Variants in BAIAP2L1 observed in about 807,000 individuals in gnomAD.
The protein encoded by BAIAP2L1 is BAR/IMD domain containing adaptor protein 2 like 1.
BAIAP2L1 carries 35 observed loss-of-function variants against 66.3 expected under a neutral mutation model. The observed-to-expected ratio is 0.53, with a 90% confidence interval of 0.40 to 0.70. The LOEUF (loss-of-function observed/expected upper bound fraction) is 0.70, where lower values mean the gene tolerates loss of function less well. Ranked by LOEUF, BAIAP2L1 falls within the 30% of genes least tolerant of loss-of-function variation. The pLI, the probability that BAIAP2L1 is intolerant of heterozygous loss-of-function variation, is 0.00. For synonymous variants in BAIAP2L1, 269 were observed against 248.7 expected (o/e 1.08, Z -0.77); for missense variants, 622 against 656.9 (o/e 0.95, Z 0.58).
At chr7:98,295,324 C>T (rs1800146822) in intron 12 of BAIAP2L1, among the ~76,000 whole-genome samples, 1 of 152,138 alleles carries the variant, frequency 6.6e-6, no homozygotes, top group Admixed American at 6.5e-5. Context: ...GGCAGGGCAT[C>T]TGGGGCCAAT....
chr7:98,296,547 C>T (rs1800199489), intron 12 of BAIAP2L1, among the ~76,000 whole-genome samples: 1 of 152,184 alleles, frequency 6.6e-6, no homozygotes, highest in Non-Finnish European at 1.5e-5. Context: ...ATCGCTTGAA[C>T]AGGGAGGCAG....
In BAIAP2L1 at chr7:98,325,509, C is replaced by T. The variant is rs531339445; in HGVS notation, c.215-5211G>A. On this transcript the variant is annotated intron_variant, in intron 3 of 13. Transcript: ENST00000005260. ...CCTGGCCAACATGGGAAAACTCCAT[C>T]TCTACTAAAAATACAAAAATTAGCC... Among the ~76,000 whole-genome samples, 5 of 152,132 alleles carry T rather than the reference C, an allele frequency of 3.3e-5. No individual in the cohort carries two copies. In the East Asian group the frequency reaches 9.7e-4, roughly 29 times the overall value.
intron 1 of BAIAP2L1, among the ~76,000 whole-genome samples, chr7:98,395,673 G>A (rs1401324876): frequency 8.5e-5 from 13 of 152,166 alleles, no homozygotes; most frequent in African/African-American, 3.1e-4. Flanking sequence ...ATATTTGCAT[G>A]TGTCAGCAGA....
intron 1 of BAIAP2L1, among the ~76,000 whole-genome samples, chr7:98,372,275 G>A (rs766752542): frequency 2.1e-4 from 32 of 151,968 alleles, no homozygotes; most frequent in Non-Finnish European, 4.0e-4. Flanking sequence ...GCATGGGGAC[G>A]GGCGCCTGTA....
intron 1 of BAIAP2L1, among the ~76,000 whole-genome samples, chr7:98,390,374 G>A (rs898870184): frequency 1.3e-5 from 2 of 151,952 alleles, no homozygotes; most frequent in Non-Finnish European, 2.9e-5. Flanking sequence ...CCATTAAAAC[G>A]GAATATATAT....
chr7:98,389,727 C>T (rs1802981805), intron 1 of BAIAP2L1, among the ~76,000 whole-genome samples: 4 of 152,080 alleles, frequency 2.6e-5, no homozygotes, highest in African/African-American at 7.2e-5. Flanking sequence ...TACAGCCATG[C>T]TTTTAACTGC....
chr7:98,362,454 C>A (rs1802293534), intron 1 of BAIAP2L1, 22 bp from the exon 2 acceptor site: 2 of 1,584,058 alleles, frequency 1.3e-6, no homozygotes, highest in Admixed American at 1.9e-5. Context: ...ACAAAACACA[C>A]AAATTAATAA....
intron 1 of BAIAP2L1, among the ~76,000 whole-genome samples, chr7:98,387,105 C>A (rs6465682): frequency 0.39 from 58,523 of 151,938 alleles, 12,624 homozygotes; most frequent in Middle Eastern, 0.55. Flanking sequence ...GAGACAAAAC[C>A]AAGTCCAAAT....
intron 1 of BAIAP2L1, among the ~76,000 whole-genome samples, chr7:98,383,309 A>C (rs1320022411): frequency 6.8e-6 from 1 of 146,072 alleles, no homozygotes; most frequent in East Asian, 2.0e-4. Context: ...TTCAGACAGA[A>C]TTTCCTTCTT....
At chr7:98,294,319 G>A (rs1326583522) in intron 12 of BAIAP2L1, among the ~76,000 whole-genome samples, 1 of 152,156 alleles carries the variant, frequency 6.6e-6, no homozygotes, top group Admixed American at 6.5e-5. Flanking sequence ...AATAAGACCC[G>A]AAGGTAAAGA....
intron 3 of BAIAP2L1, among the ~76,000 whole-genome samples, chr7:98,343,931 A>T (rs1439263330): frequency 1.3e-5 from 2 of 152,232 alleles, no homozygotes; most frequent in Non-Finnish European, 2.9e-5. Context: ...CTGTAATCCC[A>T]GCACTTTGGG....
At chr7:98,324,041 G>T (rs1194433184) in intron 3 of BAIAP2L1, among the ~76,000 whole-genome samples, 1 of 152,168 alleles carries the variant, frequency 6.6e-6, no homozygotes, top group East Asian at 1.9e-4. Flanking sequence ...AACCCGGAGG[G>T]TGGGGCGAAG....
intron 1 of BAIAP2L1, 133 bp from the exon 2 acceptor site, chr7:98,362,565 G>A: frequency 2.9e-6 from 2 of 693,150 alleles, no homozygotes; most frequent in Non-Finnish European, 4.8e-6. Context: ...GAATGCTGAT[G>A]TAAAAATAAT....
intron 1 of BAIAP2L1, among the ~76,000 whole-genome samples, chr7:98,388,242 T>A (rs1802943701): frequency 6.6e-6 from 1 of 152,132 alleles, no homozygotes; most frequent in Non-Finnish European, 1.5e-5. Context: ...CTAAAGCACA[T>A]CAAATGAAAG....
At chr7:98,300,202 T>A (rs1429883098) in intron 12 of BAIAP2L1, among the ~76,000 whole-genome samples, 1 of 152,150 alleles carries the variant, frequency 6.6e-6, no homozygotes, top group Non-Finnish European at 1.5e-5. Flanking sequence ...ACATGCTTGA[T>A]CCATGATCCC....
rs901053842 is a variant in BAIAP2L1 at position 98,385,908 on chromosome 7, C to A, written c.51+14894G>T. The A allele has an allele frequency of 7.1e-6, 10 of 1,406,030 alleles. No individual in the cohort carries two copies. The Admixed American group carries it at 1.0e-4, about 14-fold the overall frequency. 87.1% of individuals were successfully genotyped at this position (1,406,030 alleles called of 1,614,324 possible). On this transcript the variant is annotated intron_variant, in intron 1 of 13. Coordinates refer to ENST00000005260, the MANE Select transcript of BAIAP2L1 (RefSeq NM_018842.5). ...TGCCTTCACCATGAAGCTCCATGAG[C>A]TTTCCCAATTCAAACTTGGGCTTCT...
intron 12 of BAIAP2L1, among the ~76,000 whole-genome samples, chr7:98,303,245 C>T (rs1186562594): frequency 2.0e-5 from 3 of 152,196 alleles, no homozygotes; most frequent in Non-Finnish European, 4.4e-5. Flanking sequence ...TTCATATCAT[C>T]AAGACACTCC....
intron 3 of BAIAP2L1, among the ~76,000 whole-genome samples, chr7:98,351,471 A>G (rs1048346770): frequency 2.0e-5 from 3 of 152,034 alleles, no homozygotes; most frequent in African/African-American, 4.8e-5. Flanking sequence ...TGTGATCTAA[A>G]TTGGGCCGTG....
chr7:98,293,655 A>G (rs1554408604), intron 13 of BAIAP2L1, 59 bp from the exon 14 acceptor site: 3 of 1,523,936 alleles, frequency 2.0e-6, no homozygotes, highest in Non-Finnish European at 2.7e-6. Context: ...ACTGGATTTT[A>G]ACAGTGCTAA....
Sources: allele counts gnomAD v4.1 joint callset (sites outside exome capture counted in the v4.1 genomes callset), GRCh38; gene constraint gnomAD v4.1.1; transcripts MANE v1.5; gene names NCBI Gene and HGNC (gene_info 2026-07-23, HGNC 2026-07-21).